Variants in ANKRD30B observed in about 807,000 individuals in gnomAD.
ANKRD30B encodes ankyrin repeat domain 30B, also known as ankyrin repeat domain-containing protein 30B.
ANKRD30B carries 144 observed loss-of-function variants against 202.2 expected under a neutral mutation model. The ratio of observed to expected loss-of-function variants is 0.71; its 90% CI spans 0.62 to 0.82. The LOEUF is 0.82. Ranked by LOEUF, ANKRD30B falls within the 40% of genes least tolerant of loss-of-function variation. ANKRD30B has a pLI of 0.00. For missense variants in ANKRD30B, 1,487 were observed against 1,669.1 expected (o/e 0.89, Z 1.90); for synonymous variants, 508 against 561.3 (o/e 0.91, Z 1.34).
Position 14,810,911 on chromosome 18 carries a change from G to A in ANKRD30B, c.2488+731G>A, listed in dbSNP as rs1416413394. 1.2e-4 allele frequency among the ~76,000 whole-genome samples: 18 copies of A among 151,078 alleles called. 1 individual carries two copies. Among genetic ancestry groups the A allele is most frequent in the Non-Finnish European group, 2.2e-4 (15 of 67,786 alleles). On this transcript the variant is annotated intron_variant, in intron 28 of 43. Coordinates refer to ENST00000690538, the MANE Select transcript of ANKRD30B (RefSeq NM_001367607.2). The stretch of plus-strand genomic sequence containing the variant: ...GGCAGATTACTTAAGGTCAGGAGTC[G>A]CAGACGAGCCTGGTCAACACAGTGA...
chr18:14,818,043 G>T (rs1249556832), intron 30 of ANKRD30B, among the ~76,000 whole-genome samples: 1 of 152,164 alleles, frequency 6.6e-6, no homozygotes, highest in East Asian at 1.9e-4. Context: ...ATTAAAGTAT[G>T]TTGTACTGAG....
At chr18:14,817,210 A>G (rs188113440) in intron 30 of ANKRD30B, 4 of 152,340 alleles carry the variant, frequency 2.6e-5, no homozygotes, top group East Asian at 1.9e-4. Flanking sequence ...TGTATGTCTT[A>G]CTTCATGCTA....
the ANKRD30B span, among the ~76,000 whole-genome samples, chr18:14,937,381 G>A: frequency 6.6e-6 from 1 of 152,196 alleles, no homozygotes; most frequent in Non-Finnish European, 1.5e-5. Flanking sequence ...GGGTTCAGCA[G>A]GTGTAGCCAG....
chr18:14,914,198 T>C, the ANKRD30B span, among the ~76,000 whole-genome samples: 1 of 152,246 alleles, frequency 6.6e-6, no homozygotes, highest in South Asian at 2.1e-4. Flanking sequence ...TTGATAATCT[T>C]TCTCTGTTCC....
At chr18:14,760,665 T>C (rs1169261397) in intron 6 of ANKRD30B, 47 bp downstream of exon 6, 9 of 1,338,300 alleles carry the variant, frequency 6.7e-6, no homozygotes, top group Non-Finnish European at 9.3e-6. Context: ...TACCATAAGA[T>C]TAGGGAAGTG....
At chr18:14,860,570 T>G in the ANKRD30B span, among the ~76,000 whole-genome samples, 22 of 149,584 alleles carry the variant, frequency 1.5e-4, no homozygotes, top group African/African-American at 4.9e-4. Context: ...ACCTCCCAGA[T>G]GATGGGCTCA....
chr18:14,891,298 A>G, the ANKRD30B span, among the ~76,000 whole-genome samples: 1 of 149,034 alleles, frequency 6.7e-6, no homozygotes. Context: ...TAAAATTTCT[A>G]TTCATGTCAT....
chr18:14,862,780 C>T, the ANKRD30B span, among the ~76,000 whole-genome samples: 1 of 152,220 alleles, frequency 6.6e-6, no homozygotes, highest in Non-Finnish European at 1.5e-5. Flanking sequence ...CTGTACACTG[C>T]AAAGCCACAG....
chr18:14,748,822 C>T (rs1350436800), intron 1 of ANKRD30B, among the ~76,000 whole-genome samples, 182 bp downstream of exon 1: 2 of 152,160 alleles, frequency 1.3e-5, no homozygotes, highest in African/African-American at 4.8e-5. Flanking sequence ...CCCCCCAGGC[C>T]TGGGATGGGG....
the ANKRD30B span, among the ~76,000 whole-genome samples, chr18:14,871,021 ACACACCCT>A: frequency 4.1e-5 from 1 of 24,604 alleles, no homozygotes; most frequent in Non-Finnish European, 7.9e-5. Flanking sequence ...ACCCCTACCC[ACACACCCT>A]CACCCACACC....
the ANKRD30B span, among the ~76,000 whole-genome samples, chr18:14,864,910 A>T: frequency 1.3e-5 from 2 of 150,450 alleles, no homozygotes; most frequent in Non-Finnish European, 3.0e-5. Context: ...CTTTTAACCC[A>T]TCTACCTCCC....
intron 39 of ANKRD30B, among the ~76,000 whole-genome samples, chr18:14,843,980 C>T (rs1217224295): frequency 1.3e-5 from 2 of 152,098 alleles, no homozygotes; most frequent in Admixed American, 1.3e-4. Flanking sequence ...AATTATACAA[C>T]ATATGTGCAC....
intron 33 of ANKRD30B, among the ~76,000 whole-genome samples, chr18:14,829,891 G>T (rs1385586377): frequency 6.6e-6 from 1 of 152,194 alleles, no homozygotes; most frequent in Non-Finnish European, 1.5e-5. Context: ...GAATTACATA[G>T]ATCTGTGGCC....
the ANKRD30B span, among the ~76,000 whole-genome samples, chr18:14,914,867 G>A: frequency 2.0e-5 from 3 of 152,262 alleles, no homozygotes; most frequent in Admixed American, 6.5e-5. Flanking sequence ...GGGGTCTGAA[G>A]CTCAGAAGAG....
At chr18:14,777,666 A>G (rs1453296496) in intron 9 of ANKRD30B, among the ~76,000 whole-genome samples, 10 of 152,114 alleles carry the variant, frequency 6.6e-5, no homozygotes, top group Non-Finnish European at 1.5e-4. Flanking sequence ...GAAATTATTT[A>G]TTGATGTGGC....
At chr18:14,882,932 C>T in the ANKRD30B span, among the ~76,000 whole-genome samples, 156 of 152,252 alleles carry the variant, frequency 1.0e-3, 4 homozygotes, top group East Asian at 0.026. Context: ...TACTGCTGCT[C>T]GCTTTTGGTG....
the ANKRD30B span, among the ~76,000 whole-genome samples, chr18:14,914,643 A>G: frequency 1.7e-3 from 255 of 152,350 alleles, no homozygotes; most frequent in Non-Finnish European, 3.1e-3. Context: ...GAATTGAATT[A>G]TGGGGTGAGG....
At chr18:14,798,508 G>C (rs1969078559) in intron 20 of ANKRD30B, among the ~76,000 whole-genome samples, 1 of 152,126 alleles carries the variant, frequency 6.6e-6, no homozygotes, top group Non-Finnish European at 1.5e-5. Context: ...ACAATCCATA[G>C]AAACAGGATG....
chr18:14,811,763 T>C (rs1397558919), intron 28 of ANKRD30B, among the ~76,000 whole-genome samples: 1 of 27,964 alleles, frequency 3.6e-5, no homozygotes, highest in African/African-American at 1.6e-4. Flanking sequence ...TCTTTTTAAA[T>C]GTCAGATTGT....
Sources: gnomAD v4.1 joint callset for allele counts (sites outside exome capture counted in the v4.1 genomes callset) on GRCh38, gnomAD v4.1.1 for gene constraint, MANE v1.5 for transcripts, NCBI Gene and HGNC (gene_info 2026-07-23, HGNC 2026-07-21) for gene names.